The following TOPBP1 variants were observed in gnomAD, a reference collection of about 807,000 sequenced individuals.
TOPBP1 encodes DNA topoisomerase 2-binding protein 1.
Under a neutral mutation model 167.7 loss-of-function variants are expected in TOPBP1, and 28 were observed. The observed-to-expected ratio is 0.17, with a 90% CI of 0.12 to 0.23. The LOEUF is 0.23. Among genes scored for constraint, TOPBP1 ranks in the 10% least tolerant of loss-of-function variants. The pLI, the probability that TOPBP1 is intolerant of heterozygous loss-of-function variation, is 1.00. For synonymous variants in TOPBP1, 598 were observed against 611.4 expected (o/e 0.98, Z 0.32); for missense variants, 1,554 against 1,809.6 (o/e 0.86, Z 2.56).
chr3:133,646,098 G>A (rs1936064702), intron 10 of TOPBP1, among the ~76,000 whole-genome samples: 1 of 151,670 alleles, frequency 6.6e-6, no homozygotes, highest in African/African-American at 2.4e-5. Flanking sequence ...AGTGAGCCAA[G>A]ACCACGCCAC....
chr3:133,620,772 G>T (rs543618037), intron 19 of TOPBP1, among the ~76,000 whole-genome samples: 11 of 151,870 alleles, frequency 7.2e-5, no homozygotes, highest in African/African-American at 2.4e-4. Flanking sequence ...ACGCGGTTTC[G>T]CCACGTTGGC....
rs1935357016 is a variant in TOPBP1, at chr3:133,628,698, G to A, written c.2556C>T (p.Pro852=). ...TACTCGGTTTCCTTTTCTGTTGGCT[G>A]GGACGTCCTGGAGTTTCCAAGGCTG... The part of the protein sequence containing the change: ...ALAALETPGR[P]SQQKRKPSTP... The change falls in exon 15 of 28, where the codon CCC becomes CCT. Residue 852 remains proline (P), a synonymous_variant. Transcript: ENST00000260810. The A allele has an allele frequency of 6.4e-7, 1 of 1,554,738 alleles. No individual in the cohort carries two copies. Among genetic ancestry groups the A allele is most frequent in the Non-Finnish European group, 8.7e-7 (1 of 1,148,384 alleles).
At chr3:133,639,021 G>A (rs1330977811) in intron 13 of TOPBP1, among the ~76,000 whole-genome samples, 1 of 152,166 alleles carries the variant, frequency 6.6e-6, no homozygotes, top group Non-Finnish European at 1.5e-5. Flanking sequence ...GCCATCCTTG[G>A]TGAGTCAAGA....
rs1935332070 is a variant in TOPBP1, at chr3:133,628,246, G to A, written c.2804+116C>T. 4.3e-6 allele frequency: 4 copies of A among 931,300 alleles called. No individual in the cohort carries two copies. The South Asian group carries it at 5.0e-5, about 12-fold the overall frequency. The allele number at this position is 931,300 out of a possible 1,614,324, so 57.7% of individuals were successfully genotyped here. ...ATTAAAAATCAACTGGAGAGATTTT[G>A]TAGATAAAGATGCATGAAACAAAAT... On this transcript the variant is annotated intron_variant, in intron 16 of 27. Transcript: ENST00000260810.
In TOPBP1 at chr3:133,644,325, A is replaced by G; in HGVS notation, c.1543T>C (p.Ser515Pro). 1 of 1,601,526 alleles carries G rather than the reference A, an allele frequency of 6.2e-7. No individual in the cohort carries two copies. The highest frequency in any genetic ancestry group is 1.7e-4 in the Middle Eastern group (1 of 5,986). ...TCATTCAAGGGCTCAGCATGAGTAG[A>G]ATCATTAAAGGGCCTGGCTTCAGAC... ...KTSEARPFND[S>P]THAEPLNDST... Residue 515 changes from serine (S) to proline (P), a missense_variant, in exon 11 of 28, where the codon TCT becomes CCT. By Grantham distance (74) the Ser-to-Pro change is moderately conservative. This residue lies in a region of TOPBP1 where 1,197 missense variants were observed against 1,351.5 expected (regional missense o/e 0.89). Transcript: ENST00000260810.
Position 133,640,717 on chromosome 3 carries a change from C to T in TOPBP1, c.2022-547G>A, listed in dbSNP as rs116089376. The stretch of plus-strand genomic sequence containing the variant: ...AACCACCTCACACAGCCAAAATTAC[C>T]TCCTTAATTAGTTATCACCCCCACA... On this transcript the variant is annotated intron_variant, in intron 12 of 27. Transcript: ENST00000260810. Among the ~76,000 whole-genome samples, 1,228 of 152,126 alleles carry T rather than the reference C, an allele frequency of 8.1e-3. 11 individuals are homozygous for T. Among genetic ancestry groups the T allele is most frequent in the African/African-American group, 0.027 (1,102 of 41,520 alleles).
chr3:133,643,664 A>G (rs1935974269), intron 11 of TOPBP1, among the ~76,000 whole-genome samples: 1 of 152,050 alleles, frequency 6.6e-6, no homozygotes, highest in South Asian at 2.1e-4. Flanking sequence ...GTATTAGTTT[A>G]TACTATTTTT....
chr3:133,602,168 G>A (rs1227215638), intron 27 of TOPBP1, among the ~76,000 whole-genome samples: 2 of 152,124 alleles, frequency 1.3e-5, no homozygotes, highest in African/African-American at 4.8e-5. Flanking sequence ...TCTCAAAAAT[G>A]ACACATTGAA....
At position 133,649,371 on chromosome 3, in the gene TOPBP1, A is replaced by T. The variant is rs1936199888; in HGVS notation, c.1504+12T>A. 1.2e-6 allele frequency: 2 copies of T among 1,608,978 alleles called. No homozygotes were observed. The highest frequency in any genetic ancestry group is 1.7e-6 in the Non-Finnish European group (2 of 1,178,502). ...TCTTACTAACTACAAATACTAATCA[A>T]GCATTTCTTACCTACTGTGGAGCTA... On this transcript the variant is annotated intron_variant, in intron 10 of 27. Transcript: ENST00000260810.
In TOPBP1 at chr3:133,637,965, G is replaced by A. The variant is rs1216841995; in HGVS notation, c.2431C>T (p.Pro811Ser). ...QVAASPAVGQ[P>S]LQKEPSLHLD... Reference sequence around the variant, plus strand: ...TGTAACGAGGGCTCCTTCTGAAGTGGTTGTCCTACTGCTGGGGAGGCTGCG... The same window carrying A: ...TGTAACGAGGGCTCCTTCTGAAGTGATTGTCCTACTGCTGGGGAGGCTGCG... The change falls in exon 14 of 28, where the codon CCA becomes TCA. Residue 811 changes from proline (P) to serine (S), a missense_variant. By Grantham distance (74) the Pro-to-Ser change is moderately conservative. This residue lies in a region of TOPBP1 where 1,197 missense variants were observed against 1,351.5 expected (regional missense o/e 0.89). Transcript: ENST00000260810. 1.2e-6 allele frequency: 2 copies of A among 1,613,974 alleles called. No homozygotes were observed. Among genetic ancestry groups the A allele is most frequent in the East Asian group, 4.5e-5 (2 of 44,882 alleles).
chr3:133,612,590 C>A, intron 23 of TOPBP1, 38 bp from the exon 24 acceptor site: 1 of 1,534,632 alleles, frequency 6.5e-7, no homozygotes, highest in East Asian at 2.3e-5. Flanking sequence ...TTATTGATTC[C>A]CAACTTCTTT....
intron 9 of TOPBP1, 73 bp downstream of exon 9, chr3:133,649,707 A>C (rs1936218353): frequency 6.3e-7 from 1 of 1,589,676 alleles, no homozygotes; most frequent in Non-Finnish European, 8.5e-7. Flanking sequence ...TGCAGTTTCC[A>C]GAACTGCGTG....
chr3:133,607,014 T>TACAAAC (rs1934516082), intron 27 of TOPBP1, among the ~76,000 whole-genome samples: 1 of 152,070 alleles, frequency 6.6e-6, no homozygotes. Context: ...AAATACAAAT[T>TACAAAC]ACAAACACTC....
chr3:133,661,026 G>T lies in TOPBP1; in HGVS notation c.84+18C>A. 1 of 1,538,648 alleles carries T rather than the reference G, an allele frequency of 6.5e-7. No individual in the cohort carries two copies. Among genetic ancestry groups the T allele is most frequent in the Admixed American group, 2.2e-5 (1 of 44,594 alleles). On this transcript the variant is annotated intron_variant, in intron 2 of 27. Coordinates refer to ENST00000260810, the MANE Select transcript of TOPBP1 (RefSeq NM_007027.4). The stretch of plus-strand genomic sequence containing the variant: ...CAAGAAAATGAATTCACGGTATTAA[G>T]ATGTTTTCAACTCTTACCTCGAGAG...
chr3:133,635,191 A>G (rs1283015424), intron 14 of TOPBP1, among the ~76,000 whole-genome samples: 1 of 152,164 alleles, frequency 6.6e-6, no homozygotes, highest in Non-Finnish European at 1.5e-5. Context: ...CCTTGCCTCA[A>G]GTGATCCACC....
intron 11 of TOPBP1, among the ~76,000 whole-genome samples, chr3:133,643,573 C>T (rs1370103534): frequency 6.6e-6 from 1 of 152,054 alleles, no homozygotes; most frequent in Non-Finnish European, 1.5e-5. Flanking sequence ...CATACATCGA[C>T]TAATTACATT....
At chr3:133,657,773 C>T in intron 4 of TOPBP1, 25 bp downstream of exon 4, 1 of 1,479,204 alleles carries the variant, frequency 6.8e-7, no homozygotes, top group Non-Finnish European at 9.0e-7. Context: ...ATAAATTGAT[C>T]AATCATCATG....
intron 3 of TOPBP1, among the ~76,000 whole-genome samples, chr3:133,658,614 G>T (rs948614096): frequency 2.6e-5 from 4 of 152,108 alleles, no homozygotes; most frequent in Admixed American, 2.6e-4. Context: ...GACCAGCCCA[G>T]CCTGGCCAAC....
At chr3:133,646,377 G>A (rs767427249) in intron 10 of TOPBP1, among the ~76,000 whole-genome samples, 2 of 152,054 alleles carry the variant, frequency 1.3e-5, no homozygotes, top group Non-Finnish European at 1.5e-5. Context: ...CTGGCTGGGT[G>A]CAGTGGCTCA....
Sources: gnomAD v4.1 joint callset for allele counts (sites outside exome capture counted in the v4.1 genomes callset) on GRCh38, gnomAD v4.1.1 for gene constraint, gnomAD v4.1.1 regional missense constraint, MANE v1.5 for transcripts, NCBI Gene and HGNC (gene_info 2026-07-23, HGNC 2026-07-21) for gene names.